The following LRRC20 variants were observed in gnomAD, a reference collection of about 807,000 sequenced individuals.
LRRC20 encodes the protein leucine rich repeat containing 20, also known as leucine-rich repeat-containing protein 20.
In LRRC20, 11 loss-of-function variants were observed where a neutral mutation model predicts 14.4. The observed-to-expected ratio is 0.77, with a 90% CI of 0.48 to 1.27. LRRC20 has a LOEUF of 1.27. Among genes scored for constraint, LRRC20 ranks in the 50% most tolerant of loss-of-function variants. LRRC20 has a pLI of 0.00. For missense variants in LRRC20, 219 were observed against 251.2 expected, an observed-to-expected ratio of 0.87 and a Z score of 0.87; for synonymous variants, 121 against 107.3, an observed-to-expected ratio of 1.13 and a Z score of -0.79.
At chr10:70,357,948 C>T (rs1348407870) in intron 2 of LRRC20, among the ~76,000 whole-genome samples, 1 of 152,216 alleles carries the variant, frequency 6.6e-6, no homozygotes, top group Non-Finnish European at 1.5e-5. Context: ...GAGGCTTGGG[C>T]AGGCCCTGAG....
chr10:70,334,285 CTCT>C (rs1482526346), intron 3 of LRRC20, among the ~76,000 whole-genome samples: 2 of 152,322 alleles, frequency 1.3e-5, no homozygotes, highest in African/African-American at 4.8e-5. Context: ...CCTGAGCCCC[CTCT>C]TCTTTTCTCT....
intron 4 of LRRC20, among the ~76,000 whole-genome samples, chr10:70,318,286 G>A (rs1229737569): frequency 6.6e-6 from 1 of 152,150 alleles, no homozygotes; most frequent in African/African-American, 2.4e-5. Context: ...GTAGGTCTAG[G>A]GCAAGGCCAG....
At chr10:70,334,787 C>G (rs1185776883) in intron 3 of LRRC20, among the ~76,000 whole-genome samples, 1 of 152,226 alleles carries the variant, frequency 6.6e-6, no homozygotes, top group Non-Finnish European at 1.5e-5. Flanking sequence ...AGAGAGGAGC[C>G]AAGGCTGAGG....
chr10:70,349,301 G>C (rs1342394377), intron 2 of LRRC20, among the ~76,000 whole-genome samples: 1 of 152,206 alleles, frequency 6.6e-6, no homozygotes, highest in Non-Finnish European at 1.5e-5. Context: ...CGCAGGGCTG[G>C]GCATGGTGGC....
At chr10:70,303,212 A>C (rs1237071475) in intron 4 of LRRC20, among the ~76,000 whole-genome samples, 1 of 152,222 alleles carries the variant, frequency 6.6e-6, no homozygotes, top group Non-Finnish European at 1.5e-5. Flanking sequence ...AGAGAGAGGA[A>C]GTCGCATACA....
intron 2 of LRRC20, among the ~76,000 whole-genome samples, chr10:70,369,892 C>T (rs1007345992): frequency 2.0e-5 from 3 of 151,938 alleles, no homozygotes; most frequent in African/African-American, 7.3e-5. Context: ...CCAGCCTGGG[C>T]AACATGGCGA....
At chr10:70,348,932 T>C (rs1843177750) in intron 2 of LRRC20, among the ~76,000 whole-genome samples, 1 of 152,172 alleles carries the variant, frequency 6.6e-6, no homozygotes, top group East Asian at 1.9e-4. Flanking sequence ...CCAAGTTCAA[T>C]GTTGGGCCCT....
chr10:70,306,047 C>T (rs1038278076), intron 4 of LRRC20, among the ~76,000 whole-genome samples: 3 of 152,024 alleles, frequency 2.0e-5, no homozygotes, highest in Non-Finnish European at 2.9e-5. Flanking sequence ...GACCTAGATT[C>T]GCCAATTGTT....
chr10:70,333,282 G>C (rs1265634963), intron 3 of LRRC20, among the ~76,000 whole-genome samples: 1 of 152,162 alleles, frequency 6.6e-6, no homozygotes, highest in Non-Finnish European at 1.5e-5. Flanking sequence ...ATTCTGGGCT[G>C]GGGGGTGCAA....
chr10:70,363,010 CCTA>C, intron 2 of LRRC20, among the ~76,000 whole-genome samples: 1 of 151,858 alleles, frequency 6.6e-6, no homozygotes, highest in South Asian at 2.1e-4. Flanking sequence ...ACCTGTAACA[CCTA>C]TAATCTCAAG....
intron 2 of LRRC20, 37 bp downstream of exon 2, chr10:70,376,415 T>C (rs1480993767): frequency 4.4e-6 from 7 of 1,603,402 alleles, no homozygotes; most frequent in Non-Finnish European, 5.1e-6. Context: ...TCACAACTGC[T>C]TCCAGGGAAG....
At chr10:70,344,098 G>C (rs933177120) in intron 2 of LRRC20, among the ~76,000 whole-genome samples, 2 of 152,106 alleles carry the variant, frequency 1.3e-5, no homozygotes, top group African/African-American at 4.8e-5. Context: ...ATACTTGGGG[G>C]TTGAAGTGGG....
intron 2 of LRRC20, among the ~76,000 whole-genome samples, chr10:70,343,187 A>G (rs1842973386): frequency 6.6e-6 from 1 of 152,148 alleles, no homozygotes; most frequent in African/African-American, 2.4e-5. Context: ...GCTGAGCCTC[A>G]TATAATGCGA....
In LRRC20 at chr10:70,324,011, G is replaced by T; in HGVS notation, c.252C>A (p.Asn84Lys). ...SQLRELHLEG[N>K]FLHRLPSEVS... ...CCTCGCTGGGGAGGCGGTGTAGGAA[G>T]TTCCCCTCCAGGTGGAGCTCTGCCA... The change falls in exon 4 of 5, where the codon AAC (asparagine) becomes AAA (lysine). Residue 84 changes from asparagine to lysine, a missense_variant. Physicochemically the swap from Asn to Lys is moderately conservative, Grantham distance 94. Transcript: ENST00000446961. 2 of 1,614,086 alleles carry T rather than the reference G, an allele frequency of 1.2e-6. No homozygotes were observed. The highest frequency in any genetic ancestry group is 1.7e-6 in the Non-Finnish European group (2 of 1,180,016).
At chr10:70,367,343 AGAAAG>A (rs1844051568) in intron 2 of LRRC20, among the ~76,000 whole-genome samples, 5 of 133,324 alleles carry the variant, frequency 3.8e-5, no homozygotes, top group East Asian at 2.4e-4. Context: ...AAAAAAAAAA[AGAAAG>A]AAAAGAAAAA....
At chr10:70,313,849 C>T (rs922562137) in intron 4 of LRRC20, among the ~76,000 whole-genome samples, 2 of 152,166 alleles carry the variant, frequency 1.3e-5, no homozygotes, top group Non-Finnish European at 2.9e-5. Context: ...ATCTTTCAGA[C>T]TCTGCATTCT....
intron 3 of LRRC20, among the ~76,000 whole-genome samples, chr10:70,337,470 AAGG>A (rs987168819): frequency 2.6e-5 from 4 of 151,930 alleles, no homozygotes; most frequent in African/African-American, 9.7e-5. Flanking sequence ...GGCAGCAGAG[AAGG>A]AGTTCAAACA....
chr10:70,353,711 GAC>G (rs1357845575), intron 2 of LRRC20, among the ~76,000 whole-genome samples: 9 of 152,202 alleles, frequency 5.9e-5, no homozygotes, highest in African/African-American at 2.2e-4. Flanking sequence ...GAGGAATCAA[GAC>G]ACAGAGCCAG....
At chr10:70,380,007 C>T (rs541241086) in intron 1 of LRRC20, among the ~76,000 whole-genome samples, 8 of 152,162 alleles carry the variant, frequency 5.3e-5, no homozygotes, top group Non-Finnish European at 8.8e-5. Flanking sequence ...AGAGTTCAGG[C>T]GGTAATGCTT....
Sources: allele counts gnomAD v4.1 joint callset (sites outside exome capture counted in the v4.1 genomes callset), GRCh38; gene constraint gnomAD v4.1.1; transcripts MANE v1.5; gene names NCBI Gene and HGNC (gene_info 2026-07-23, HGNC 2026-07-21).